The following PCSK2 variants were observed in gnomAD, a reference collection of about 807,000 sequenced individuals.
PCSK2 encodes the protein proprotein convertase subtilisin/kexin type 2, also known as neuroendocrine convertase 2.
In PCSK2, 14 loss-of-function variants were observed where a neutral mutation model predicts 69.7. The observed-to-expected ratio is 0.20, with a 90% confidence interval of 0.13 to 0.31. The LOEUF (loss-of-function observed/expected upper bound fraction) is 0.31, where lower values mean the gene tolerates loss of function less well. PCSK2 is among the 10% of genes least tolerant of loss of function. The pLI, the probability that PCSK2 is intolerant of heterozygous loss-of-function variation, is 1.00. For synonymous variants in PCSK2, 307 were observed against 320.7 expected (o/e 0.96, Z 0.46); for missense variants, 544 against 842.5 (o/e 0.65, Z 4.39).
At chr20:17,372,608 G>A (rs1344480016) in intron 5 of PCSK2, among the ~76,000 whole-genome samples, 1 of 152,066 alleles carries the variant, frequency 6.6e-6, no homozygotes, top group Non-Finnish European at 1.5e-5. Flanking sequence ...GCAAAACTGC[G>A]CATCTTGATA....
intron 2 of PCSK2, among the ~76,000 whole-genome samples, chr20:17,275,103 AT>A (rs1988015467): frequency 6.8e-6 from 1 of 147,344 alleles, no homozygotes; most frequent in Admixed American, 6.8e-5. Flanking sequence ...ATATATATAT[AT>A]ATATATATAA....
chr20:17,415,316 T>C (rs1290615034), intron 6 of PCSK2, among the ~76,000 whole-genome samples: 1 of 152,200 alleles, frequency 6.6e-6, no homozygotes, highest in Non-Finnish European at 1.5e-5. Flanking sequence ...CTCCTTAAGC[T>C]GAGAAGCAAC....
intron 2 of PCSK2, among the ~76,000 whole-genome samples, chr20:17,265,639 C>T (rs1012903470): frequency 1.3e-4 from 20 of 152,050 alleles, no homozygotes; most frequent in Non-Finnish European, 2.1e-4. Flanking sequence ...ATTCTCATTT[C>T]CTTGTAGCAT....
intron 1 of PCSK2, among the ~76,000 whole-genome samples, chr20:17,257,435 A>G (rs1441820215): frequency 6.6e-6 from 1 of 152,226 alleles, no homozygotes; most frequent in African/African-American, 2.4e-5. Flanking sequence ...ATATACCCAA[A>G]GGATTATAAA....
chr20:17,302,323 T>TGG lies in PCSK2; in HGVS notation c.282+41979_282+41980insGG, dbSNP rs1368529601. ...TCATTTGCCCTGAGCATGTTTAAAT[T>TGG]TACCAATTTAAACATGCTGGTAAAT... On this transcript the variant is annotated intron_variant, in intron 2 of 11. Coordinates refer to ENST00000262545, the MANE Select transcript of PCSK2 (RefSeq NM_002594.5). Among the ~76,000 whole-genome samples the TGG allele has an allele frequency of 1.1e-4, 16 of 152,314 alleles. No homozygotes were observed. In the South Asian group the frequency reaches 2.3e-3, roughly 22 times the overall value.
intron 5 of PCSK2, among the ~76,000 whole-genome samples, chr20:17,395,984 G>A (rs2031501222): frequency 6.6e-6 from 1 of 152,146 alleles, no homozygotes; most frequent in Non-Finnish European, 1.5e-5. Flanking sequence ...GGACTCAAAG[G>A]TAGTGGCCTC....
intron 5 of PCSK2, among the ~76,000 whole-genome samples, chr20:17,390,905 T>C (rs1042373853): frequency 9.2e-5 from 14 of 152,282 alleles, no homozygotes; most frequent in Non-Finnish European, 1.6e-4. Context: ...ACTGCAATCA[T>C]ACAGTACACC....
At position 17,405,196 on chromosome 20, in the gene PCSK2, A is replaced by G. The variant is rs897713322; in HGVS notation, c.544-4067A>G. Among the ~76,000 whole-genome samples, 21 of 152,170 alleles carry G rather than the reference A, an allele frequency of 1.4e-4. 1 individual carries two copies. Among genetic ancestry groups the G allele is most frequent in the Non-Finnish European group, 1.9e-4 (13 of 68,028 alleles). On this transcript the variant is annotated intron_variant, in intron 5 of 11. Coordinates refer to ENST00000262545, the MANE Select transcript of PCSK2 (RefSeq NM_002594.5). ...AACTACAGTTTCTAAAAAATAGGAA[A>G]ATTTCCAGGGTCAAAAACAGCCTCA...
intron 6 of PCSK2, among the ~76,000 whole-genome samples, chr20:17,411,925 G>T (rs927564998): frequency 6.6e-6 from 1 of 152,218 alleles, no homozygotes; most frequent in Non-Finnish European, 1.5e-5. Context: ...CCAACAGCCT[G>T]CAGCTGAGGG....
At chr20:17,319,024 ATT>A (rs1364376515) in intron 2 of PCSK2, among the ~76,000 whole-genome samples, 1 of 152,202 alleles carries the variant, frequency 6.6e-6, no homozygotes, top group Non-Finnish European at 1.5e-5. Flanking sequence ...AGAAAAACAT[ATT>A]TTTTCATCAG....
chr20:17,438,703 G>A (rs2032535437), intron 8 of PCSK2, among the ~76,000 whole-genome samples: 1 of 152,178 alleles, frequency 6.6e-6, no homozygotes, highest in Non-Finnish European at 1.5e-5. Context: ...CTCTCACGAA[G>A]CATTGCCTTG....
In PCSK2 at chr20:17,439,609, A is replaced by T. The variant is rs116884691; in HGVS notation, c.885+2726A>T. Among the ~76,000 whole-genome samples the T allele has an allele frequency of 7.5e-3, 1,138 of 152,334 alleles. 7 individuals carry two copies. The highest frequency in any genetic ancestry group is 1.0e-2 in the Non-Finnish European group (680 of 68,030). Reference sequence around the variant, plus strand: ...ATTAGATTATATTTAGCCATGAGAAATCTAACTTTGGATCCTTACTAAATT... The same window carrying T: ...ATTAGATTATATTTAGCCATGAGAATTCTAACTTTGGATCCTTACTAAATT... On this transcript the variant is annotated intron_variant, in intron 8 of 11. Coordinates refer to ENST00000262545, the MANE Select transcript of PCSK2 (RefSeq NM_002594.5).
intron 9 of PCSK2, 141 bp from the exon 10 acceptor site, chr20:17,456,207 C>G: frequency 1.7e-6 from 1 of 604,586 alleles, no homozygotes; most frequent in Non-Finnish European, 3.0e-6. Flanking sequence ...TGCCACTGCA[C>G]TCCAGCCTGG....
intron 1 of PCSK2, among the ~76,000 whole-genome samples, chr20:17,246,784 G>A (rs1209090493): frequency 1.3e-5 from 2 of 148,282 alleles, no homozygotes; most frequent in Non-Finnish European, 3.0e-5. Flanking sequence ...TTTCACTGAT[G>A]ATAAATAATT....
intron 2 of PCSK2, among the ~76,000 whole-genome samples, chr20:17,308,835 C>T (rs1339325636): frequency 6.6e-6 from 1 of 152,108 alleles, no homozygotes; most frequent in Non-Finnish European, 1.5e-5. Flanking sequence ...TTCCAGGAGG[C>T]TAGCCCGGCT....
chr20:17,468,609 C>T (rs954271395), intron 11 of PCSK2, among the ~76,000 whole-genome samples: 4 of 151,690 alleles, frequency 2.6e-5, no homozygotes, highest in African/African-American at 4.8e-5. Flanking sequence ...AGCTCCTCCA[C>T]GGGCCAGTGT....
intron 10 of PCSK2, among the ~76,000 whole-genome samples, chr20:17,459,883 C>T (rs1361942844): frequency 6.6e-6 from 1 of 152,210 alleles, no homozygotes; most frequent in Admixed American, 6.5e-5. Flanking sequence ...GAATCTATGA[C>T]TCTGGGTGCA....
chr20:17,258,807 G>A (rs1987273377), intron 1 of PCSK2, among the ~76,000 whole-genome samples: 1 of 142,574 alleles, frequency 7.0e-6, no homozygotes, highest in Admixed American at 7.1e-5. Context: ...TTTAAGCAAG[G>A]AAGAAGATCT....
chr20:17,446,839 G>C (rs941154162), intron 8 of PCSK2, among the ~76,000 whole-genome samples: 1 of 152,150 alleles, frequency 6.6e-6, no homozygotes, highest in Non-Finnish European at 1.5e-5. Flanking sequence ...AAAAGTGTCT[G>C]CAAGTCTAAA....
Sources: allele counts gnomAD v4.1 joint callset (sites outside exome capture counted in the v4.1 genomes callset), GRCh38; gene constraint gnomAD v4.1.1; transcripts MANE v1.5; gene names NCBI Gene and HGNC (gene_info 2026-07-23, HGNC 2026-07-21).